ENTR1: variants seen among roughly 807,000 people sequenced by gnomAD.
The protein encoded by ENTR1 is endosome associated trafficking regulator 1.
Under a neutral mutation model 47.9 loss-of-function variants are expected in ENTR1, and 47 were observed. That is an observed-to-expected ratio of 0.98 (90% CI 0.78 to 1.25). The LOEUF (loss-of-function observed/expected upper bound fraction) is 1.25. Among genes scored for constraint, ENTR1 ranks in the 50% most tolerant of loss-of-function variants. The pLI is 0.00. For synonymous variants in ENTR1, 290 were observed against 245.8 expected, an observed-to-expected ratio of 1.18 and a Z score of -1.68; for missense variants, 668 against 570.5, an observed-to-expected ratio of 1.17 and a Z score of -1.74.
chr9:136,404,030 T>C lies in ENTR1; in HGVS notation c.1208+25A>G, dbSNP rs577325162. 14 of 1,559,380 alleles carry C rather than the reference T, an allele frequency of 9.0e-6. No individual in the cohort carries two copies. In the African/African-American group the frequency reaches 1.4e-4, roughly 15 times the overall value. ...AATCTCACCCCTTTCCCCGCCAGGC[T>C]TCCCGGTGCCTCCCAGGCACTCACT... On this transcript the variant is annotated intron_variant, in intron 9 of 9. Coordinates refer to ENST00000357365, the MANE Select transcript of ENTR1 (RefSeq NM_001039707.2).
rs1394455093 is a variant in ENTR1, at chr9:136,410,342, A to C, written c.56T>G (p.Leu19Arg). Residue 19 changes from leucine (L) to arginine (R), a missense_variant, in exon 1 of 10, where the codon CTC becomes CGC. Physicochemically the swap from Leu to Arg is moderately radical, Grantham distance 102. Transcript: ENST00000357365. ...GCCCCGCTCACCGTCGGGAATGGCG[A>C]GGCTCCGGGCTCGGGACAGCGGGGT... Reference protein sequence around the residue: ...GATPLSRARSLAIPDAPAFYE... With the variant: ...GATPLSRARSRAIPDAPAFYE... 6.5e-7 allele frequency: 1 copy of C among 1,544,490 alleles called. No homozygotes were observed. Among genetic ancestry groups the C allele is most frequent in the African/African-American group, 1.4e-5 (1 of 72,776 alleles).
In ENTR1 at chr9:136,407,504, C is replaced by T. The variant is rs749711313; in HGVS notation, c.460G>A (p.Gly154Arg). ...DHNSPPSQTGGYGLEYQQPFF... is the reference protein window; with the variant it reads ...DHNSPPSQTGRYGLEYQQPFF... Reference sequence around the variant, plus strand: ...GGCTGCTGATACTCCAGGCCATACCCGCCGGTTTGGGAGGGTGGGGAGTTG... The same window carrying T: ...GGCTGCTGATACTCCAGGCCATACCTGCCGGTTTGGGAGGGTGGGGAGTTG... The change falls in exon 5 of 10, where the codon GGG becomes AGG. Residue 154 changes from glycine to arginine, a missense_variant. By Grantham distance (125) the Gly-to-Arg change is moderately radical. Transcript: ENST00000357365. 60 of 1,610,966 alleles carry T rather than the reference C, an allele frequency of 3.7e-5. No individual in the cohort carries two copies. Among genetic ancestry groups the T allele is most frequent in the African/African-American group, 1.1e-4 (8 of 74,438 alleles).
At chr9:136,409,140 G>T in intron 2 of ENTR1, 73 bp from the exon 3 acceptor site, 1 of 1,326,474 alleles carries the variant, frequency 7.5e-7, no homozygotes, top group Non-Finnish European at 1.1e-6. Context: ...TTTTTCTTTT[G>T]CACATGGAGT....
chr9:136,405,615 G>A (rs193015345), intron 6 of ENTR1, among the ~76,000 whole-genome samples: 3 of 152,288 alleles, frequency 2.0e-5, no homozygotes, highest in African/African-American at 2.4e-5. Flanking sequence ...AGTGGCAAAC[G>A]CCTGTGGTCC....
At chr9:136,409,169 C>G in intron 2 of ENTR1, 102 bp from the exon 3 acceptor site, 1 of 937,272 alleles carries the variant, frequency 1.1e-6, no homozygotes. Context: ...CAGTGGTTCT[C>G]ACAGTCTAGA....
chr9:136,408,564 C>T (rs967605986), intron 3 of ENTR1, among the ~76,000 whole-genome samples: 14 of 152,134 alleles, frequency 9.2e-5, no homozygotes, highest in African/African-American at 3.4e-4. Context: ...GGCGACAGAG[C>T]GAGACTCTGT....
At chr9:136,409,704 G>A (rs569761048) in intron 2 of ENTR1, among the ~76,000 whole-genome samples, 2 of 151,896 alleles carry the variant, frequency 1.3e-5, no homozygotes, top group African/African-American at 4.8e-5. Flanking sequence ...GCACCCAGCA[G>A]CACTTCTGCT....
intron 8 of ENTR1, 47 bp from the exon 9 acceptor site, chr9:136,404,241 C>G: frequency 6.4e-7 from 1 of 1,552,676 alleles, no homozygotes; most frequent in Non-Finnish European, 8.7e-7. Flanking sequence ...CGAGGCAACC[C>G]GGCTGAAAGT....
chr9:136,407,186 C>T lies in ENTR1; in HGVS notation c.778G>A (p.Gly260Arg). Residue 260 changes from glycine to arginine, a missense_variant, in exon 5 of 10, where the codon GGA becomes AGA. Coordinates refer to ENST00000357365, the MANE Select transcript of ENTR1 (RefSeq NM_001039707.2). ...TGCAGCGTCCGCAGGTGCCTGTCTC[C>T]CAGAGACTCTCCATGAACCGCAAAG... is the stretch of plus-strand genomic sequence containing the variant. ...ADFAVHGESLGDRHLRTLQIS... is the reference protein window; with the variant it reads ...ADFAVHGESLRDRHLRTLQIS... 6.2e-7 allele frequency: 1 copy of T among 1,610,970 alleles called. No individual in the cohort carries two copies.
At chr9:136,408,953 C>G in intron 3 of ENTR1, 46 bp downstream of exon 3, 2 of 1,517,100 alleles carry the variant, frequency 1.3e-6, no homozygotes, top group Non-Finnish European at 1.8e-6. Flanking sequence ...GTGCCTGGCA[C>G]TGTGTTGGAT....
chr9:136,403,977 C>T, intron 9 of ENTR1, 78 bp downstream of exon 9: 1 of 1,469,992 alleles, frequency 6.8e-7, no homozygotes, highest in Non-Finnish European at 9.1e-7. Flanking sequence ...AGCCTGGGCC[C>T]CCACCCAGGA....
chr9:136,402,979 GA>G, intron 9 of ENTR1, 92 bp from the exon 10 acceptor site: 4 of 249,626 alleles, frequency 1.6e-5, no homozygotes, highest in South Asian at 2.9e-5. Flanking sequence ...TTGGTAGGGG[GA>G]AAAAGGGAGG....
intron 1 of ENTR1, 23 bp downstream of exon 1, chr9:136,410,305 G>A: frequency 6.5e-7 from 1 of 1,550,050 alleles, no homozygotes; most frequent in Non-Finnish European, 8.7e-7. Context: ...TGGACCGCTG[G>A]ACTCGGCCCC....
At position 136,408,229 on chromosome 9, in the gene ENTR1, T is replaced by C. The variant is rs1377429368; in HGVS notation, c.290-291A>G. Among the ~76,000 whole-genome samples, 9 of 152,196 alleles carry C rather than the reference T, an allele frequency of 5.9e-5. No individual in the cohort carries two copies. The South Asian group carries it at 8.3e-4, about 14-fold the overall frequency. ...GGAGCTTTAAAACGACCCAAGCCAC[T>C]CCACTGCACACACCCAGCTCCCTGG... On this transcript the variant is annotated intron_variant, in intron 3 of 9. Coordinates refer to ENST00000357365, the MANE Select transcript of ENTR1 (RefSeq NM_001039707.2).
intron 5 of ENTR1, among the ~76,000 whole-genome samples, chr9:136,406,358 A>G (rs1834763305): frequency 6.6e-6 from 1 of 151,674 alleles, no homozygotes; most frequent in Non-Finnish European, 1.5e-5. Flanking sequence ...AGTCCTAACT[A>G]CTCGGGTGGC....
At chr9:136,409,847 G>C (rs1282455573) in intron 2 of ENTR1, 3 of 651,218 alleles carry the variant, frequency 4.6e-6, no homozygotes, top group Non-Finnish European at 8.7e-6. Flanking sequence ...GAAAGCGGGC[G>C]GGCTCCTGTG....
intron 5 of ENTR1, 141 bp downstream of exon 5, chr9:136,407,004 G>T: frequency 1.3e-6 from 1 of 787,478 alleles, no homozygotes; most frequent in Non-Finnish European, 2.0e-6. Flanking sequence ...CAAAGGGAAA[G>T]TGGATAGCAG....
At chr9:136,404,279 C>A in intron 8 of ENTR1, 85 bp from the exon 9 acceptor site, 1 of 1,519,346 alleles carries the variant, frequency 6.6e-7, no homozygotes, top group South Asian at 1.3e-5. Context: ...AGGGCTTACC[C>A]GTGGGGGCCT....
chr9:136,406,855 T>A lies in ENTR1; in HGVS notation c.819+290A>T, dbSNP rs549109721. 5.6e-4 allele frequency: 183 copies of A among 328,800 alleles called. No homozygotes were observed. In the East Asian group the frequency reaches 7.8e-3, roughly 14 times the overall value. 20.4% of individuals were successfully genotyped at this position (328,800 alleles called of 1,614,324 possible). The stretch of plus-strand genomic sequence containing the variant: ...TTTAAAAATTTTCCTCCTCTTGGAA[T>A]ACTTAGCAAGCTGGCGACTGCAGCC... On this transcript the variant is annotated intron_variant, in intron 5 of 9. Coordinates refer to ENST00000357365, the MANE Select transcript of ENTR1 (RefSeq NM_001039707.2).
Sources: gnomAD v4.1 joint callset for allele counts (sites outside exome capture counted in the v4.1 genomes callset) on GRCh38, gnomAD v4.1.1 for gene constraint, MANE v1.5 for transcripts, NCBI Gene and HGNC (gene_info 2026-07-23, HGNC 2026-07-21) for gene names.